The following VGLL4 variants were observed in gnomAD, a reference collection of about 807,000 sequenced individuals.
VGLL4 encodes the protein transcription cofactor vestigial-like protein 4.
In VGLL4, 7 loss-of-function variants were observed where a neutral mutation model predicts 21.0. The ratio of observed to expected loss-of-function variants is 0.33; its 90% CI spans 0.19 to 0.63. The LOEUF is 0.63. Ranked by LOEUF, VGLL4 falls within the 20% of genes least tolerant of loss-of-function variation. The pLI, the probability that VGLL4 is intolerant of heterozygous loss-of-function variation, is 0.78. For missense variants in VGLL4, 394 were observed against 425.7 expected, an observed-to-expected ratio of 0.93 and a Z score of 0.66; for synonymous variants, 222 against 173.2, an observed-to-expected ratio of 1.28 and a Z score of -2.21.
At chr3:11,669,743 G>A (rs1230215152) in intron 2 of VGLL4, among the ~76,000 whole-genome samples, 1 of 151,928 alleles carries the variant, frequency 6.6e-6, no homozygotes, top group Non-Finnish European at 1.5e-5. Context: ...ACAATGGTGT[G>A]ATCACAGCTC....
intron 2 of VGLL4, among the ~76,000 whole-genome samples, chr3:11,670,288 G>A (rs547311248): frequency 3.3e-5 from 5 of 152,114 alleles, no homozygotes; most frequent in South Asian, 4.1e-4. Flanking sequence ...TGAAGTCTAC[G>A]TTGGAAAACC....
intron 2 of VGLL4, among the ~76,000 whole-genome samples, chr3:11,599,117 T>C (rs1198846420): frequency 6.6e-6 from 1 of 152,186 alleles, no homozygotes; most frequent in Non-Finnish European, 1.5e-5. Flanking sequence ...CCAATCTGCC[T>C]GTGAAATCTG....
chr3:11,693,296 A>C (rs2076558943), intron 2 of VGLL4: 2 of 155,086 alleles, frequency 1.3e-5, no homozygotes, highest in South Asian at 3.9e-4. Context: ...CATTTCTGCT[A>C]GTGTTTAATA....
chr3:11,582,295 A>T, intron 2 of VGLL4: 7 of 1,604,264 alleles, frequency 4.4e-6, no homozygotes, highest in Non-Finnish European at 6.0e-6. Flanking sequence ...CCTCACTTTA[A>T]TCATTGCCAA....
chr3:11,672,976 G>A (rs1194732912), intron 2 of VGLL4, among the ~76,000 whole-genome samples: 2 of 152,178 alleles, frequency 1.3e-5, no homozygotes, highest in East Asian at 1.9e-4. Flanking sequence ...AGACTTCAGG[G>A]AGCTCTAGAA....
At chr3:11,718,788 AC>A (rs1187311197) in intron 1 of VGLL4, among the ~76,000 whole-genome samples, 4 of 151,686 alleles carry the variant, frequency 2.6e-5, no homozygotes, top group Non-Finnish European at 4.4e-5. Flanking sequence ...CCACACCCCT[AC>A]CCTCCCGCGC....
At chr3:11,559,527 A>G in intron 3 of VGLL4, 72 bp from the exon 4 acceptor site, 1 of 1,461,750 alleles carries the variant, frequency 6.8e-7, no homozygotes, top group Non-Finnish European at 9.1e-7. Context: ...GGCCCTCCCC[A>G]GCACCCTTCA....
intron 2 of VGLL4, among the ~76,000 whole-genome samples, chr3:11,651,619 C>T (rs2075873866): frequency 6.6e-6 from 1 of 151,846 alleles, no homozygotes; most frequent in African/African-American, 2.4e-5. Context: ...TGTCCCCTAC[C>T]ATATTATAAA....
chr3:11,639,512 C>T (rs1327076221), intron 1 of VGLL4, among the ~76,000 whole-genome samples: 1 of 152,238 alleles, frequency 6.6e-6, no homozygotes, highest in Non-Finnish European at 1.5e-5. Flanking sequence ...GTGTTATCCC[C>T]GTGCTAGGCC....
chr3:11,717,144 T>A (rs2076929297), intron 1 of VGLL4, among the ~76,000 whole-genome samples: 1 of 151,836 alleles, frequency 6.6e-6, no homozygotes, highest in South Asian at 2.1e-4. Context: ...TTTTGCAGTC[T>A]ATTTAGTAAC....
At chr3:11,638,486 G>C (rs1348633651) in intron 1 of VGLL4, among the ~76,000 whole-genome samples, 1 of 151,942 alleles carries the variant, frequency 6.6e-6, no homozygotes, top group African/African-American at 2.4e-5. Context: ...GGCTCACCTG[G>C]GCATGTTTTA....
intron 2 of VGLL4, among the ~76,000 whole-genome samples, chr3:11,675,329 G>A (rs1162066002): frequency 6.6e-6 from 1 of 151,610 alleles, no homozygotes; most frequent in South Asian, 2.1e-4. Context: ...CTGGGGGACA[G>A]AGCAAGGCAC....
At chr3:11,562,560 G>A (rs1159473566) in intron 3 of VGLL4, among the ~76,000 whole-genome samples, 1 of 152,236 alleles carries the variant, frequency 6.6e-6, no homozygotes, top group East Asian at 1.9e-4. Flanking sequence ...AAGAGACCTC[G>A]GAGCTGCTGG....
In VGLL4 at chr3:11,621,459, CATA is replaced by C. The variant is rs531576518; in HGVS notation, c.83-19440_83-19438del. Among the ~76,000 whole-genome samples, 474 of 152,234 alleles carry C rather than the reference CATA, an allele frequency of 3.1e-3. 2 individuals are homozygous for C. The highest frequency in any genetic ancestry group is 0.011 in the African/African-American group (456 of 41,516). ...GTCTTTTGTGTCTGGTTCTTTCACT[CATA>C]ATGTTTTAAAAGTTCATCCATGTTG... On this transcript the variant is annotated intron_variant, in intron 1 of 4. Coordinates refer to ENST00000430365, the MANE Select transcript of VGLL4 (RefSeq NM_001128219.3).
At chr3:11,643,288 G>A in intron 1 of VGLL4, 149 bp downstream of exon 1, 4 of 1,213,724 alleles carry the variant, frequency 3.3e-6, no homozygotes, top group South Asian at 1.4e-5. Flanking sequence ...AACACACTCG[G>A]TGCCGAACCG....
chr3:11,604,499 G>A, intron 1 of VGLL4: 3 of 955,142 alleles, frequency 3.1e-6, no homozygotes, highest in Non-Finnish European at 3.7e-6. Flanking sequence ...GCATCTTTGG[G>A]GCCCCTCCCT....
chr3:11,674,215 A>G (rs923879939), intron 2 of VGLL4, among the ~76,000 whole-genome samples: 2 of 151,564 alleles, frequency 1.3e-5, no homozygotes, highest in Admixed American at 1.3e-4. Context: ...TCTCCCACAC[A>G]CTCTTTGTCA....
chr3:11,668,668 T>C (rs2076161622), intron 2 of VGLL4, among the ~76,000 whole-genome samples: 1 of 152,320 alleles, frequency 6.6e-6, no homozygotes, highest in African/African-American at 2.4e-5. Flanking sequence ...TGAAGGATCT[T>C]ATCATTTAAT....
intron 1 of VGLL4, among the ~76,000 whole-genome samples, chr3:11,704,383 C>CAAAAAAAA (rs57593843): frequency 2.9e-3 from 202 of 68,824 alleles, no homozygotes; most frequent in Non-Finnish European, 4.2e-3. Context: ...AACTCCGTCT[C>CAAAAAAAA]AAAAAAAAAA....
Sources: allele counts gnomAD v4.1 joint callset (sites outside exome capture counted in the v4.1 genomes callset), GRCh38; gene constraint gnomAD v4.1.1; transcripts MANE v1.5; gene names NCBI Gene and HGNC (gene_info 2026-07-23, HGNC 2026-07-21).